The following ATP9B variants were observed in gnomAD, a reference collection of about 807,000 sequenced individuals.
ATP9B encodes ATPase phospholipid transporting 9B.
Under a neutral mutation model 146.1 loss-of-function variants are expected in ATP9B, and 110 were observed. That is an observed-to-expected ratio of 0.75 (90% CI 0.65 to 0.88). The LOEUF is 0.88. Among genes scored for constraint, ATP9B ranks in the 40% least tolerant of loss-of-function variants. ATP9B has a pLI of 0.00. For missense variants in ATP9B, 1,499 were observed against 1,496.4 expected, an observed-to-expected ratio of 1.00 and a Z score of -0.03; for synonymous variants, 604 against 569.7, an observed-to-expected ratio of 1.06 and a Z score of -0.86.
intron 3 of ATP9B, among the ~76,000 whole-genome samples, chr18:79,112,906 G>A (rs1228612235): frequency 6.6e-6 from 1 of 151,784 alleles, no homozygotes; most frequent in Non-Finnish European, 1.5e-5. Context: ...TTTTTTTCAT[G>A]TTCATGTAAA....
intron 5 of ATP9B, among the ~76,000 whole-genome samples, chr18:79,139,000 C>A (rs1023391328): frequency 6.6e-6 from 1 of 152,082 alleles, no homozygotes; most frequent in Non-Finnish European, 1.5e-5. Context: ...CCAGGGAGAT[C>A]GAGGCCACAG....
chr18:79,255,744 T>G (rs1043254573), intron 12 of ATP9B, among the ~76,000 whole-genome samples: 13 of 152,142 alleles, frequency 8.5e-5, no homozygotes, highest in African/African-American at 2.7e-4. Flanking sequence ...TCTCAGTAGC[T>G]CCACGTAAGG....
chr18:79,133,120 G>A (rs1009039774), intron 5 of ATP9B, among the ~76,000 whole-genome samples: 12 of 152,098 alleles, frequency 7.9e-5, no homozygotes, highest in Non-Finnish European at 1.3e-4. Flanking sequence ...TCAAACTCCT[G>A]GCCTCAAATA....
At chr18:79,157,418 A>C (rs1311288351) in intron 7 of ATP9B, among the ~76,000 whole-genome samples, 8 of 150,522 alleles carry the variant, frequency 5.3e-5, no homozygotes, top group Non-Finnish European at 1.0e-4. Context: ...AAAAAAAAAA[A>C]AAAAAACATG....
At chr18:79,335,059 G>A (rs1288857941) in intron 17 of ATP9B, among the ~76,000 whole-genome samples, 1 of 152,046 alleles carries the variant, frequency 6.6e-6, no homozygotes, top group Non-Finnish European at 1.5e-5. Flanking sequence ...ACGTGAGGGA[G>A]GAACTGTTTT....
intron 1 of ATP9B, among the ~76,000 whole-genome samples, chr18:79,079,628 T>C (rs1440979659): frequency 6.6e-6 from 1 of 152,238 alleles, no homozygotes. Context: ...TTTCTTTTGC[T>C]GAGCAGAAGC....
intron 1 of ATP9B, among the ~76,000 whole-genome samples, chr18:79,095,036 C>T (rs2074675374): frequency 6.6e-6 from 1 of 152,180 alleles, no homozygotes; most frequent in African/African-American, 2.4e-5. Flanking sequence ...CTGAGACTCC[C>T]TGTATTCTCT....
At chr18:79,253,918 G>A (rs2067534) in intron 12 of ATP9B, 113,072 of 160,332 alleles carry the variant, frequency 0.71, 40,339 homozygotes, top group African/African-American at 0.81. Context: ...TTAAAGTTCT[G>A]TTTAATATAT....
chr18:79,086,120 A>AG (rs2073801074), intron 1 of ATP9B: 1 of 151,770 alleles, frequency 6.6e-6, no homozygotes, highest in African/African-American at 2.4e-5. Flanking sequence ...ACATTTTCTT[A>AG]GGGGGTCTAT....
chr18:79,194,200 C>G (rs1350106040), intron 9 of ATP9B, among the ~76,000 whole-genome samples: 1 of 151,758 alleles, frequency 6.6e-6, no homozygotes, highest in Non-Finnish European at 1.5e-5. Flanking sequence ...AAAGTAGTTA[C>G]TATGAAAACA....
At chr18:79,146,417 G>A (rs2094588109) in intron 6 of ATP9B, 1 of 127,216 alleles carries the variant, frequency 7.9e-6, no homozygotes, top group Admixed American at 8.5e-5. Context: ...CTGCATGTCG[G>A]GGGAGCTGGC....
intron 12 of ATP9B, among the ~76,000 whole-genome samples, chr18:79,261,031 A>G (rs2096135175): frequency 6.6e-6 from 1 of 152,190 alleles, no homozygotes; most frequent in South Asian, 2.1e-4. Flanking sequence ...CTTAGGTCCC[A>G]GCATGGACCA....
At chr18:79,071,125 G>C (rs889429531) in intron 1 of ATP9B, among the ~76,000 whole-genome samples, 1 of 143,016 alleles carries the variant, frequency 7.0e-6, no homozygotes, top group Non-Finnish European at 1.5e-5. Context: ...TTTGAGATTA[G>C]GTGTTGGTAT....
At chr18:79,118,280 G>C (rs573292182) in intron 4 of ATP9B, among the ~76,000 whole-genome samples, 1 of 149,932 alleles carries the variant, frequency 6.7e-6, no homozygotes, top group East Asian at 2.0e-4. Flanking sequence ...TTTAAAAACT[G>C]CTGTTGATTT....
At chr18:79,320,202 G>C (rs1375868558) in intron 15 of ATP9B, among the ~76,000 whole-genome samples, 1 of 152,146 alleles carries the variant, frequency 6.6e-6, no homozygotes, top group Non-Finnish European at 1.5e-5. Context: ...AGTCTACATC[G>C]GTGAGCACAG....
intron 11 of ATP9B, among the ~76,000 whole-genome samples, chr18:79,242,160 G>A (rs1443264991): frequency 6.6e-6 from 1 of 152,200 alleles, no homozygotes; most frequent in Non-Finnish European, 1.5e-5. Flanking sequence ...TCTGTTTTAT[G>A]ATTTGTTTTA....
intron 12 of ATP9B, among the ~76,000 whole-genome samples, chr18:79,271,468 T>C (rs1198232684): frequency 6.9e-6 from 1 of 145,004 alleles, no homozygotes; most frequent in African/African-American, 2.5e-5. Context: ...AGTTCCCACC[T>C]ATGAGTGAGA....
intron 11 of ATP9B, among the ~76,000 whole-genome samples, chr18:79,226,146 C>T (rs1221993619): frequency 6.6e-6 from 1 of 152,234 alleles, no homozygotes; most frequent in Non-Finnish European, 1.5e-5. Context: ...GCCCTCTCTT[C>T]CTGCTCCCTC....
intron 15 of ATP9B, among the ~76,000 whole-genome samples, chr18:79,313,169 T>C (rs887908799): frequency 2.6e-5 from 4 of 152,188 alleles, no homozygotes; most frequent in Non-Finnish European, 5.9e-5. Flanking sequence ...ACGTTTGGAA[T>C]TGGGGTGTGT....
Sources: gnomAD v4.1 joint callset for allele counts (sites outside exome capture counted in the v4.1 genomes callset) on GRCh38, gnomAD v4.1.1 for gene constraint, MANE v1.5 for transcripts, NCBI Gene and HGNC (gene_info 2026-07-23, HGNC 2026-07-21) for gene names.